Variants in CC2D1A observed in about 807,000 individuals in gnomAD.
CC2D1A encodes the protein coiled-coil and C2 domain-containing protein 1A.
In CC2D1A, 68 loss-of-function variants were observed where a neutral mutation model predicts 123.8. The observed-to-expected ratio is 0.55, with a 90% CI of 0.45 to 0.67. The LOEUF is 0.67. Among genes scored for constraint, CC2D1A ranks in the 30% least tolerant of loss-of-function variants. The pLI, the probability that CC2D1A is intolerant of heterozygous loss-of-function variation, is 0.00. For missense variants in CC2D1A, 1,185 were observed against 1,290.3 expected (o/e 0.92, Z 1.25); for synonymous variants, 477 against 528.0 (o/e 0.90, Z 1.32).
intron 6 of CC2D1A, among the ~76,000 whole-genome samples, chr19:13,917,128 A>G (rs993423337): frequency 1.3e-5 from 2 of 152,222 alleles, no homozygotes; most frequent in Non-Finnish European, 2.9e-5. Flanking sequence ...GGATGGAAAT[A>G]AGAGAAGACT....
At chr19:13,926,921 G>A (rs766187955) in intron 20 of CC2D1A, 49 bp downstream of exon 20, 55 of 1,612,794 alleles carry the variant, frequency 3.4e-5, no homozygotes, top group Middle Eastern at 1.6e-4. Flanking sequence ...GCAGCAGAAG[G>A]GACATAAGAC....
intron 7 of CC2D1A, 125 bp downstream of exon 7, chr19:13,918,319 C>A: frequency 2.4e-6 from 3 of 1,259,748 alleles, no homozygotes; most frequent in South Asian, 3.1e-5. Flanking sequence ...TGCTGTAAGT[C>A]TTGGAGCCTC....
chr19:13,919,028 G>C lies in CC2D1A; in HGVS notation c.1135G>C (p.Glu379Gln). 2 of 1,607,360 alleles carry C rather than the reference G, an allele frequency of 1.2e-6. No homozygotes were observed. Among genetic ancestry groups the C allele is most frequent in the South Asian group, 1.1e-5 (1 of 90,228 alleles). Residue 379 changes from glutamate to glutamine, a missense_variant, in exon 10 of 29, where the codon GAG becomes CAG. Physicochemically the swap from Glu to Gln is conservative, Grantham distance 29. Coordinates refer to ENST00000318003, the MANE Select transcript of CC2D1A (RefSeq NM_017721.5). ...KGDQRKARMH[E>Q]RIVKQYQDAI... ...GGACCAGCGGAAAGCTCGAATGCAC[G>C]AGCGCATCGTCAAGGTGCCCTGGGG...
chr19:13,923,126 G>A lies in CC2D1A; in HGVS notation c.1642-207G>A, dbSNP rs1971463444. 6.6e-6 allele frequency among the ~76,000 whole-genome samples: 1 copy of A among 151,860 alleles called. No individual in the cohort carries two copies. Among genetic ancestry groups the A allele is most frequent in the Admixed American group, 6.6e-5 (1 of 15,238 alleles). On this transcript the variant is annotated intron_variant, in intron 14 of 28. Transcript: ENST00000318003. The surrounding 1 kb of genome is among the most constrained non-coding windows in gnomAD (Gnocchi z 5.3). ...GAGAATCACTTGAACCCGGGAGGTG[G>A]AAGTTGCAGTGAGCTGAGATCCCGC... is the stretch of plus-strand genomic sequence containing the variant.
rs749352209 is a variant in CC2D1A, at chr19:13,926,834, A to G, written c.2087A>G (p.Lys696Arg). The change falls in exon 20 of 29, where the codon AAA becomes AGA. Residue 696 changes from lysine (K) to arginine (R), a missense_variant. Lys to Arg is a conservative substitution (Grantham distance 26). Coordinates refer to ENST00000318003, the MANE Select transcript of CC2D1A (RefSeq NM_017721.5). ...CTCTGGTCATAGGAAGAAGCTCAGA[A>G]AGACAAGACCAGTGTGATCAAGAAC... ...FPYPNVEEAQ[K>R]DKTSVIKNTD... 8 of 1,613,974 alleles carry G rather than the reference A, an allele frequency of 5.0e-6. No homozygotes were observed. Among genetic ancestry groups the G allele is most frequent in the Non-Finnish European group, 6.8e-6 (8 of 1,180,014 alleles).
intron 14 of CC2D1A, among the ~76,000 whole-genome samples, chr19:13,922,208 G>T (rs1302162028): frequency 2.0e-5 from 3 of 152,066 alleles, no homozygotes; most frequent in Non-Finnish European, 4.4e-5. Flanking sequence ...CACTATGTTG[G>T]CCAGGCTGGG....
chr19:13,912,327 C>T lies in CC2D1A; in HGVS notation c.201C>T (p.Pro67=). ...GGGGCATCCCCCTACCGCCAGGTCCCTTGCCGATGGAGGCCATTGAGAAGA... is the reference window on the plus strand; with the variant it reads ...GGGGCATCCCCCTACCGCCAGGTCCTTTGCCGATGGAGGCCATTGAGAAGA... ...PALEKLKGKG[P]LPMEAIEKMA... is the part of the protein sequence containing the mutation. The change falls in exon 3 of 29, where the codon CCC becomes CCT. Residue 67 remains proline (P), a synonymous_variant. Transcript: ENST00000318003. 6.2e-7 allele frequency: 1 copy of T among 1,600,288 alleles called. No individual in the cohort carries two copies. The highest frequency in any genetic ancestry group is 8.5e-7 in the Non-Finnish European group (1 of 1,173,712).
At chr19:13,926,299 C>CA (rs1272156954) in intron 17 of CC2D1A, among the ~76,000 whole-genome samples, 1 of 151,970 alleles carries the variant, frequency 6.6e-6, no homozygotes, top group Non-Finnish European at 1.5e-5. Context: ...TAAATATACA[C>CA]AGACTGAAGA....
Position 13,927,907 on chromosome 19 carries a change from C to T in CC2D1A, c.2331C>T (p.Arg777=). ...VREILEVLDG[R]RPTGGRLEVM... ...CCCCCACCCAGGTCCTGGATGGTCG[C>T]CGGCCCACAGGGGGGCGACTGGAGG... The change falls in exon 23 of 29, where the codon CGC becomes CGT. Residue 777 remains arginine (R), a synonymous_variant. Coordinates refer to ENST00000318003, the MANE Select transcript of CC2D1A (RefSeq NM_017721.5). The T allele has an allele frequency of 6.2e-7, 1 of 1,613,514 alleles. No individual in the cohort carries two copies. The highest frequency in any genetic ancestry group is 8.5e-7 in the Non-Finnish European group (1 of 1,179,970).
chr19:13,926,039 TATATAC>T (rs1275736482), intron 17 of CC2D1A, among the ~76,000 whole-genome samples: 1 of 86,012 alleles, frequency 1.2e-5, no homozygotes, highest in Non-Finnish European at 2.1e-5. Context: ...TATATATATA[TATATAC>T]ACGTATATAT....
Position 13,912,450 on chromosome 19 carries a change from G to A in CC2D1A, c.312+12G>A, listed in dbSNP as rs373356326. On this transcript the variant is annotated intron_variant, in intron 3 of 28. Transcript: ENST00000318003. ...ATGATGACCTGCTGGTGAGCACTGA[G>A]GGCGGGGTGGGGGCTCTGATCCGGT... 9.0e-5 allele frequency: 146 copies of A among 1,613,818 alleles called. 1 individual carries two copies. The highest frequency in any genetic ancestry group is 3.0e-4 in the Admixed American group (18 of 59,946).
chr19:13,927,465 T>C (rs533078691), intron 22 of CC2D1A, 200 bp downstream of exon 22: 2 of 582,374 alleles, frequency 3.4e-6, no homozygotes, highest in African/African-American at 3.7e-5. Flanking sequence ...ATCTCAGCCA[T>C]ACCATGGGCT....
At chr19:13,916,264 A>C (rs542531970) in intron 6 of CC2D1A, among the ~76,000 whole-genome samples, 6 of 152,140 alleles carry the variant, frequency 3.9e-5, no homozygotes, top group Admixed American at 2.0e-4. Context: ...CTCAACAAAC[A>C]AACCAACCCA....
intron 2 of CC2D1A, among the ~76,000 whole-genome samples, chr19:13,911,905 C>T (rs1017197449): frequency 2.6e-5 from 4 of 152,078 alleles, no homozygotes; most frequent in South Asian, 2.1e-4. Context: ...GTAGTAGAGA[C>T]GGGGTTTCAC....
At position 13,913,563 on chromosome 19, in the gene CC2D1A, A is replaced by G. The variant is rs374978922; in HGVS notation, c.673A>G (p.Arg225Gly). Residue 225 changes from arginine (R) to glycine (G), a missense_variant, in exon 6 of 29, where the codon AGG becomes GGG. Physicochemically the swap from Arg to Gly is moderately radical, Grantham distance 125 (BLOSUM62 -2). Transcript: ENST00000318003. ...APRIASAPEP[R>G]VTLEGPSATA... ...TAGAATCGCGTCAGCCCCAGAGCCCAGGGTCACCCTGGAGGGACCTTCTGC... is the reference window on the plus strand; with the variant it reads ...TAGAATCGCGTCAGCCCCAGAGCCCGGGGTCACCCTGGAGGGACCTTCTGC... 23 of 1,613,966 alleles carry G rather than the reference A, an allele frequency of 1.4e-5. No homozygotes were observed. Among genetic ancestry groups the G allele is most frequent in the African/African-American group, 2.7e-5 (2 of 74,936 alleles).
intron 14 of CC2D1A, among the ~76,000 whole-genome samples, chr19:13,922,142 C>T (rs1458414632): frequency 6.6e-6 from 1 of 152,158 alleles, no homozygotes; most frequent in South Asian, 2.1e-4. Context: ...GCTGGAACTA[C>T]AGGCACACGC....
rs1182602227 is a variant in CC2D1A at position 13,918,956 on chromosome 19, C to T, written c.1063C>T (p.Arg355Trp). The change falls in exon 10 of 29, where the codon CGG becomes TGG. Residue 355 changes from arginine to tryptophan, a missense_variant. Coordinates refer to ENST00000318003, the MANE Select transcript of CC2D1A (RefSeq NM_017721.5). ...PRTLLEALEQRMERYQVAAAQ... is the reference protein window; with the variant it reads ...PRTLLEALEQWMERYQVAAAQ... ...GACCCTGCTGGAGGCGCTGGAGCAG[C>T]GGATGGAGCGGTACCAGGTGGCCGC... The T allele has an allele frequency of 6.8e-6, 11 of 1,610,244 alleles. No homozygotes were observed. Among genetic ancestry groups the T allele is most frequent in the Non-Finnish European group, 9.3e-6 (11 of 1,178,334 alleles).
intron 2 of CC2D1A, among the ~76,000 whole-genome samples, chr19:13,911,752 G>A (rs910166299): frequency 7.4e-5 from 9 of 121,386 alleles, no homozygotes; most frequent in Admixed American, 6.0e-4. Context: ...GTCTCGCTCT[G>A]TCGCCCAGGC....
At chr19:13,925,976 G>GTGTGTA (rs1568418610) in intron 17 of CC2D1A, among the ~76,000 whole-genome samples, 1 of 79,726 alleles carries the variant, frequency 1.3e-5, no homozygotes, top group African/African-American at 7.2e-5. Context: ...ATATATATGT[G>GTGTGTA]TATATATATA....
Sources: allele counts gnomAD v4.1 joint callset (sites outside exome capture counted in the v4.1 genomes callset), GRCh38; gene constraint gnomAD v4.1.1; non-coding constraint Gnocchi (gnomAD v3.1); transcripts MANE v1.5; gene names NCBI Gene and HGNC (gene_info 2026-07-23, HGNC 2026-07-21).